Variants in HYDIN observed in about 807,000 individuals in gnomAD.
HYDIN encodes HYDIN axonemal central pair apparatus protein, also known as axonemal central pair apparatus protein HYDIN.
A neutral mutation model predicts 403.9 loss-of-function variants in HYDIN; 132 were observed. That is an observed-to-expected ratio of 0.33 (90% confidence interval 0.28 to 0.38). HYDIN has a LOEUF of 0.38. Among genes scored for constraint, HYDIN ranks in the 10% least tolerant of loss-of-function variants. HYDIN has a pLI of 1.00. For missense variants in HYDIN, 2,827 were observed against 5,009.5 expected (o/e 0.56, Z 13.15); for synonymous variants, 1,202 against 1,891.7 (o/e 0.64, Z 9.46).
chr16:70,916,011 G>T (rs111654733), intron 47 of HYDIN, among the ~76,000 whole-genome samples: 1 of 152,332 alleles, frequency 6.6e-6, no homozygotes, highest in African/African-American at 2.4e-5. Flanking sequence ...CAACAGCATT[G>T]AGTCTGTTTC....
chr16:70,920,790 T>G lies in HYDIN; in HGVS notation c.7586A>C (p.Glu2529Ala). The stretch of plus-strand genomic sequence containing the variant: ...CTCCAGGCGCTCCCGCTCCGCCTTC[T>G]CCCTCTCCAGGCGCTCCTTCTCCGT... ...ERTEKERLER[E>A]KAERERLEKL... Residue 2529 changes from glutamate (E) to alanine (A), a missense_variant, in exon 46 of 86, where the codon GAG (glutamate) becomes GCG (alanine). Transcript: ENST00000393567. The G allele has an allele frequency of 6.4e-7, 1 of 1,560,564 alleles. No individual in the cohort carries two copies. Among genetic ancestry groups the G allele is most frequent in the Non-Finnish European group, 8.7e-7 (1 of 1,151,540 alleles).
At chr16:71,090,092 C>A (rs62040320) in intron 11 of HYDIN, 5 of 103,312 alleles carry the variant, frequency 4.8e-5, no homozygotes, top group African/African-American at 2.3e-4. Flanking sequence ...CAAGAGAAGA[C>A]GGACAATGCA....
intron 80 of HYDIN, among the ~76,000 whole-genome samples, chr16:70,831,107 T>C (rs192223197): frequency 0.011 from 1,400 of 128,848 alleles, 13 homozygotes; most frequent in Middle Eastern, 0.086. Context: ...CCTAACAGTG[T>C]TTTTTTTTTT....
Position 71,062,184 on chromosome 16 carries a change from G to A in HYDIN, c.2361C>T (p.Ser787=), listed in dbSNP as rs1488515980. Residue 787 remains serine (S), a synonymous_variant, in exon 17 of 86, where the codon AGC becomes AGT. Coordinates refer to ENST00000393567, the MANE Select transcript of HYDIN (RefSeq NM_001270974.2). ...GGACTCTCACCAAAGGGGGGTCCTGGCTCCCAAAGATTGAGATGTAAACCG... is the reference window on the plus strand; with the variant it reads ...GGACTCTCACCAAAGGGGGGTCCTGACTCCCAAAGATTGAGATGTAAACCG... ...RSTVYISIFG[S]QDPPLVCHLK... is the part of the protein sequence containing the mutation. The A allele has an allele frequency of 2.1e-6, 3 of 1,406,076 alleles. No homozygotes were observed. Among genetic ancestry groups the A allele is most frequent in the South Asian group, 2.6e-5 (2 of 78,398 alleles). 87.1% of individuals were successfully genotyped at this position (1,406,076 alleles called of 1,614,324 possible). A position where few individuals can be genotyped will look rare whatever the true frequency, so the allele number is the denominator to read the frequency against.
At chr16:70,928,042 A>G (rs1480919732) in intron 45 of HYDIN, among the ~76,000 whole-genome samples, 2 of 152,076 alleles carry the variant, frequency 1.3e-5, no homozygotes, top group Non-Finnish European at 2.9e-5. Flanking sequence ...AAGCAGTTAA[A>G]GAGTGTTTAG....
chr16:71,206,953 G>A lies in HYDIN; in HGVS notation c.-23-20035C>T, dbSNP rs143431709. ...AAAGAGACCAAATCTATGACTCACT[G>A]GTGTCCATGAAAGAGACTGGGAGAA... is the stretch of plus-strand genomic sequence containing the variant. On this transcript the variant is annotated intron_variant, in intron 1 of 85. Transcript: ENST00000393567. Among the ~76,000 whole-genome samples, 265 of 152,282 alleles carry A rather than the reference G, an allele frequency of 1.7e-3. 1 individual carries two copies. The highest frequency in any genetic ancestry group is 0.016 in the South Asian group (78 of 4,810).
At chr16:71,025,913 T>A (rs1398259788) in intron 20 of HYDIN, among the ~76,000 whole-genome samples, 1 of 152,052 alleles carries the variant, frequency 6.6e-6, no homozygotes, top group African/African-American at 2.4e-5. Flanking sequence ...TCTTCCTTTT[T>A]TTTTTCAGAT....
intron 41 of HYDIN, among the ~76,000 whole-genome samples, chr16:70,945,755 C>T (rs2077837915): frequency 6.6e-6 from 1 of 152,072 alleles, no homozygotes; most frequent in Admixed American, 6.6e-5. Flanking sequence ...GATCAGCTGC[C>T]AAGAAGTCAT....
chr16:71,210,002 C>T (rs999658142), intron 1 of HYDIN, among the ~76,000 whole-genome samples: 17 of 152,142 alleles, frequency 1.1e-4, no homozygotes, highest in South Asian at 2.1e-4. Flanking sequence ...ATCATACTAG[C>T]GGTAATTAAT....
At chr16:70,887,090 T>C (rs1480816711) in intron 58 of HYDIN, among the ~76,000 whole-genome samples, 2 of 152,210 alleles carry the variant, frequency 1.3e-5, no homozygotes, top group Non-Finnish European at 2.9e-5. Flanking sequence ...CAATTCATTT[T>C]TTCTCATTAG....
At chr16:70,894,956 A>T (rs574733702) in intron 54 of HYDIN, among the ~76,000 whole-genome samples, 1 of 152,384 alleles carries the variant, frequency 6.6e-6, no homozygotes, top group South Asian at 2.1e-4. Context: ...TGGCTGCATA[A>T]TATCCCACGA....
intron 50 of HYDIN, among the ~76,000 whole-genome samples, chr16:70,906,291 T>C (rs1270320096): frequency 6.6e-6 from 1 of 151,944 alleles, no homozygotes; most frequent in South Asian, 2.1e-4. Context: ...ACCCCCTCTA[T>C]TTCCTCAAGA....
intron 1 of HYDIN, among the ~76,000 whole-genome samples, chr16:71,212,280 T>A (rs2088634179): frequency 6.6e-6 from 1 of 152,206 alleles, no homozygotes; most frequent in African/African-American, 2.4e-5. Flanking sequence ...TACCAGCTAA[T>A]GTATATAAGG....
chr16:70,836,070 A>G (rs2037403095), intron 77 of HYDIN, among the ~76,000 whole-genome samples: 1 of 151,932 alleles, frequency 6.6e-6, no homozygotes, highest in Non-Finnish European at 1.5e-5. Flanking sequence ...GGAAAATCTC[A>G]GGGCACCTTG....
At chr16:71,063,853 A>G (rs1207427408) in intron 16 of HYDIN, among the ~76,000 whole-genome samples, 2 of 151,626 alleles carry the variant, frequency 1.3e-5, no homozygotes, top group African/African-American at 2.4e-5. Context: ...TCAAGTTTCC[A>G]TTAGAAAAAT....
intron 64 of HYDIN, among the ~76,000 whole-genome samples, chr16:70,872,599 C>T (rs2040196974): frequency 6.7e-6 from 1 of 149,838 alleles, no homozygotes; most frequent in African/African-American, 2.5e-5. Context: ...ACCCACCCAT[C>T]CAGCCATCAT....
chr16:70,807,785 A>T lies in HYDIN; in HGVS notation c.15161T>A (p.Ile5054Asn). The change falls in exon 86 of 86, where the codon ATC becomes AAC. Residue 5054 changes from isoleucine (I) to asparagine (N), a missense_variant. Coordinates refer to ENST00000393567, the MANE Select transcript of HYDIN (RefSeq NM_001270974.2). ...GGTGAAGGCTGGGTTATCCACGATG[A>T]TGGAGAAGGTCACCATGTGATAGAA... ...NVFYHMVTFS[I>N]IVDNPAFTIR... The T allele has an allele frequency of 6.2e-7, 1 of 1,614,200 alleles. No homozygotes were observed.
intron 47 of HYDIN, among the ~76,000 whole-genome samples, chr16:70,914,467 C>CA: frequency 6.7e-6 from 1 of 149,316 alleles, no homozygotes; most frequent in Non-Finnish European, 1.5e-5. Context: ...GATAGGGCCC[C>CA]AATCCCTTCT....
chr16:71,051,462 C>T (rs1236819074), intron 18 of HYDIN, among the ~76,000 whole-genome samples: 6 of 151,780 alleles, frequency 4.0e-5, no homozygotes, highest in South Asian at 4.2e-4. Context: ...CTGGCTCACA[C>T]GGTGAGACCC....
Sources: allele counts gnomAD v4.1 joint callset (sites outside exome capture counted in the v4.1 genomes callset), GRCh38; gene constraint gnomAD v4.1.1; transcripts MANE v1.5; gene names NCBI Gene and HGNC (gene_info 2026-07-23, HGNC 2026-07-21).